Variants in TMEM39A observed in about 807,000 individuals in gnomAD.
TMEM39A encodes transmembrane protein 39A.
A neutral mutation model predicts 51.9 loss-of-function variants in TMEM39A; 19 were observed. The observed-to-expected ratio is 0.37, with a 90% CI of 0.26 to 0.54. The LOEUF is 0.54. Among genes scored for constraint, TMEM39A ranks in the 20% least tolerant of loss-of-function variants. The pLI is 0.88. For missense variants in TMEM39A, 433 were observed against 590.5 expected (o/e 0.73, Z 2.76); for synonymous variants, 197 against 220.2 (o/e 0.89, Z 0.93).
intron 4 of TMEM39A, chr3:119,451,097 C>A: frequency 5.8e-6 from 2 of 347,270 alleles, no homozygotes; most frequent in South Asian, 3.9e-5. Context: ...AAAGAACATG[C>A]TTTCACAATA....
chr3:119,431,855 C>T lies in TMEM39A; in HGVS notation c.*126G>A, dbSNP rs952778338. ...ATACATTTAATATCCCTTACTCTTC[C>T]CGACTTTCAAAACATAATAGTATAC... is the stretch of plus-strand genomic sequence containing the variant. On this transcript the variant is annotated 3_prime_UTR_variant, in exon 9 of 9. Transcript: ENST00000319172. 4 of 645,912 alleles carry T rather than the reference C, an allele frequency of 6.2e-6. No individual in the cohort carries two copies. Among genetic ancestry groups the T allele is most frequent in the African/African-American group, 3.8e-5 (2 of 52,254 alleles). The allele number at this position is 645,912 out of a possible 1,614,324, so 40.0% of individuals were successfully genotyped here.
In TMEM39A at chr3:119,432,029, G is replaced by A; in HGVS notation, c.1419C>T (p.Gly473=). 6.2e-7 allele frequency: 1 copy of A among 1,613,072 alleles called. No homozygotes were observed. Among genetic ancestry groups the A allele is most frequent in the Non-Finnish European group, 8.5e-7 (1 of 1,179,386 alleles). ...FKLLRDRIVL[G]RAYSYPLNSY... The stretch of plus-strand genomic sequence containing the variant: ...TGTTGAGTGGGTAGGAGTATGCCCT[G>A]CCTAATACTATTCTGTCCCGGAGAA... Residue 473 remains glycine (G), a synonymous_variant, in exon 9 of 9, where the codon GGC becomes GGT. Transcript: ENST00000319172.
chr3:119,432,279 C>A (rs1577044807), intron 8 of TMEM39A, 65 bp from the exon 9 acceptor site: 1 of 1,164,510 alleles, frequency 8.6e-7, no homozygotes, highest in Non-Finnish European at 1.2e-6. Context: ...GTTATTCTTG[C>A]ATTGATTTTT....
intron 8 of TMEM39A, among the ~76,000 whole-genome samples, chr3:119,432,927 G>T (rs1360508594): frequency 6.6e-6 from 1 of 151,796 alleles, no homozygotes; most frequent in Non-Finnish European, 1.5e-5. Flanking sequence ...CTAAAAATAG[G>T]GATTACTACT....
intron 7 of TMEM39A, chr3:119,435,948 T>C: frequency 7.8e-7 from 1 of 1,288,934 alleles, no homozygotes; most frequent in Non-Finnish European, 1.0e-6. Context: ...GTATCAGACA[T>C]CAAGGCAGAT....
intron 3 of TMEM39A, 43 bp from the exon 4 acceptor site, chr3:119,452,573 T>A: frequency 6.7e-7 from 1 of 1,488,790 alleles, no homozygotes; most frequent in East Asian, 2.3e-5. Context: ...AAATATGATG[T>A]GTATTCAGCT....
chr3:119,435,427 T>TCA, intron 7 of TMEM39A: 1 of 980,344 alleles, frequency 1.0e-6, no homozygotes, highest in Admixed American at 6.5e-5. Flanking sequence ...CAGCGATACA[T>TCA]CTCACACACA....
At chr3:119,456,645 T>C (rs908786986) in intron 3 of TMEM39A, among the ~76,000 whole-genome samples, 1 of 152,262 alleles carries the variant, frequency 6.6e-6, no homozygotes, top group Non-Finnish European at 1.5e-5. Flanking sequence ...TCAAGTCATC[T>C]GACTAGCCTT....
rs1424042452 is a variant in TMEM39A at position 119,431,956 on chromosome 3, T to G, written c.*25A>C. ...ACGTATGAAAATATTTTTATCTGAG[T>G]TCTCCCTCATTGTTGAGAGGCAGCT... On this transcript the variant is annotated 3_prime_UTR_variant, in exon 9 of 9. Coordinates refer to ENST00000319172, the MANE Select transcript of TMEM39A (RefSeq NM_018266.3). 1 of 1,441,644 alleles carries G rather than the reference T, an allele frequency of 6.9e-7. No individual in the cohort carries two copies. Among genetic ancestry groups the G allele is most frequent in the Non-Finnish European group, 9.4e-7 (1 of 1,060,286 alleles). The allele number at this position is 1,441,644 out of a possible 1,614,324, so 89.3% of individuals were successfully genotyped here. A position where few individuals can be genotyped will look rare whatever the true frequency, so the allele number is the denominator to read the frequency against.
Position 119,436,928 on chromosome 3 carries a change from C to T in TMEM39A, c.975G>A (p.Val325=), listed in dbSNP as rs760759473. The T allele has an allele frequency of 6.2e-7, 1 of 1,613,990 alleles. No homozygotes were observed. The highest frequency in any genetic ancestry group is 1.1e-5 in the South Asian group (1 of 91,080). Residue 325 remains valine, a synonymous_variant, in exon 7 of 9, where the codon GTG becomes GTA. Coordinates refer to ENST00000319172, the MANE Select transcript of TMEM39A (RefSeq NM_018266.3). The part of the protein sequence containing the change: ...MRWSCEHLIM[V]WINAFVMLTT... ...TGAGCATGACAAAAGCATTGATCCA[C>T]ACCATAATGAGGTGCTCACATGACC...
At chr3:119,439,341 G>C (rs1044501861) in intron 5 of TMEM39A, among the ~76,000 whole-genome samples, 3 of 152,124 alleles carry the variant, frequency 2.0e-5, no homozygotes, top group Admixed American at 6.5e-5. Context: ...AGCACTTTGG[G>C]AGGCCAAGGC....
At chr3:119,459,084 C>T (rs1024779470) in intron 2 of TMEM39A, among the ~76,000 whole-genome samples, 9 of 152,066 alleles carry the variant, frequency 5.9e-5, no homozygotes, top group African/African-American at 2.2e-4. Context: ...CTAGCAGTAC[C>T]AAAATTCTAG....
chr3:119,462,722 T>G (rs1447471954), intron 1 of TMEM39A, among the ~76,000 whole-genome samples: 6 of 149,588 alleles, frequency 4.0e-5, no homozygotes, highest in Admixed American at 1.3e-4. Flanking sequence ...AGTAGTTCTT[T>G]TAACAGTTTA....
At chr3:119,440,105 A>G (rs932216936) in intron 5 of TMEM39A, among the ~76,000 whole-genome samples, 1 of 152,162 alleles carries the variant, frequency 6.6e-6, no homozygotes, top group Non-Finnish European at 1.5e-5. Context: ...TCACATGTGC[A>G]TATCTGTGAT....
rs72970322 is a variant in TMEM39A at position 119,452,375 on chromosome 3, G to A, written c.420+72C>T. ...GTTTCATTAAATGGGGACACGTCAC[G>A]TTTTTAACCTGCACCCATTCTAGTA... On this transcript the variant is annotated intron_variant, in intron 4 of 8. Coordinates refer to ENST00000319172, the MANE Select transcript of TMEM39A (RefSeq NM_018266.3). 5,404 of 1,169,740 alleles carry A rather than the reference G, an allele frequency of 4.6e-3. 159 individuals are homozygous for A. In the African/African-American group the frequency reaches 0.068, roughly 15 times the overall value. The allele number at this position is 1,169,740 out of a possible 1,614,324, so 72.5% of individuals were successfully genotyped here. A position where few individuals can be genotyped will look rare whatever the true frequency, so the allele number is the denominator to read the frequency against.
At chr3:119,438,486 T>C (rs1458441744) in intron 5 of TMEM39A, among the ~76,000 whole-genome samples, 1 of 152,248 alleles carries the variant, frequency 6.6e-6, no homozygotes, top group African/African-American at 2.4e-5. Context: ...GTGTTTTGTA[T>C]CCTGCTGTTT....
At chr3:119,450,729 G>A (rs538203923) in intron 4 of TMEM39A, among the ~76,000 whole-genome samples, 1 of 147,180 alleles carries the variant, frequency 6.8e-6, no homozygotes, top group Non-Finnish European at 1.5e-5. Flanking sequence ...GGCTGAGGCA[G>A]GAGAATCGCT....
chr3:119,443,087 A>AC lies in TMEM39A; in HGVS notation c.575+3930_575+3931insG, dbSNP rs199691444. 1.4e-3 allele frequency among the ~76,000 whole-genome samples: 189 copies of AC among 133,592 alleles called. 13 individuals carry two copies. Among genetic ancestry groups the AC allele is most frequent in the Middle Eastern group, 4.1e-3 (1 of 244 alleles). 87.6% of individuals were successfully genotyped at this position (133,592 alleles called of 152,430 possible). On this transcript the variant is annotated intron_variant, in intron 5 of 8. Transcript: ENST00000319172. The stretch of plus-strand genomic sequence containing the variant: ...TCAAAAAAAAAAAAAAAAAAAAAAA[A>AC]GTGAAGCCTGAAGATGTGGCTGCAC...
chr3:119,432,084 A>T lies in TMEM39A; in HGVS notation c.1364T>A (p.Leu455His). ...WNHTLSMALI[L>H]FCNYYVLFKL... ...AAATAAAACATAGTAGTTGCAGAAGAGGATGAGAGCCATGGAAAGTGTGTG... is the reference window on the plus strand; with the variant it reads ...AAATAAAACATAGTAGTTGCAGAAGTGGATGAGAGCCATGGAAAGTGTGTG... The change falls in exon 9 of 9, where the codon CTC becomes CAC. Residue 455 changes from leucine to histidine, a missense_variant. Transcript: ENST00000319172. 3.1e-6 allele frequency: 5 copies of T among 1,613,370 alleles called. No individual in the cohort carries two copies. The highest frequency in any genetic ancestry group is 4.2e-6 in the Non-Finnish European group (5 of 1,179,512).
Sources: gnomAD v4.1 joint callset for allele counts (sites outside exome capture counted in the v4.1 genomes callset) on GRCh38, gnomAD v4.1.1 for gene constraint, MANE v1.5 for transcripts, NCBI Gene and HGNC (gene_info 2026-07-23, HGNC 2026-07-21) for gene names.